LMTK2: variants seen among roughly 807,000 people sequenced by gnomAD.
The protein encoded by LMTK2 is serine/threonine-protein kinase LMTK2.
Under a neutral mutation model 127.5 loss-of-function variants are expected in LMTK2, and 37 were observed. The observed-to-expected ratio is 0.29, with a 90% CI of 0.22 to 0.38. LMTK2 has a LOEUF of 0.38. Ranked by LOEUF, LMTK2 falls within the 10% of genes least tolerant of loss-of-function variation. LMTK2 has a pLI of 1.00. For missense variants in LMTK2, 1,694 were observed against 1,920.3 expected, an observed-to-expected ratio of 0.88 and a Z score of 2.20; for synonymous variants, 819 against 810.1, an observed-to-expected ratio of 1.01 and a Z score of -0.19.
Position 98,107,225 on chromosome 7 carries a change from G to C in LMTK2, c.48G>C (p.Leu16=). 6.8e-7 allele frequency: 1 copy of C among 1,462,578 alleles called. No homozygotes were observed. The highest frequency in any genetic ancestry group is 9.0e-7 in the Non-Finnish European group (1 of 1,114,742). 90.6% of individuals were successfully genotyped at this position (1,462,578 alleles called of 1,614,324 possible). A position where few individuals can be genotyped will look rare whatever the true frequency, so the allele number is the denominator to read the frequency against. Residue 16 remains leucine, a synonymous_variant, in exon 1 of 14, where the codon CTG becomes CTC. Transcript: ENST00000297293. ...GGCGGAGGCTGCTGCTGCTGCTGCTGGTCCTCCTGATCGCCGGCAGTGCTG... is the reference window on the plus strand; with the variant it reads ...GGCGGAGGCTGCTGCTGCTGCTGCTCGTCCTCCTGATCGCCGGCAGTGCTG... ...ALRRRLLLLL[L]VLLIAGSAGA... is the part of the protein sequence containing the mutation.
chr7:98,205,375 G>C (rs1472626733), intron 13 of LMTK2, 89 bp from the exon 14 acceptor site: 2 of 1,495,662 alleles, frequency 1.3e-6, no homozygotes, highest in East Asian at 4.5e-5. Context: ...TTCCGTTCCT[G>C]TGGTGCAGCG....
At chr7:98,178,189 G>T (rs901373440) in intron 7 of LMTK2, among the ~76,000 whole-genome samples, 2 of 152,084 alleles carry the variant, frequency 1.3e-5, no homozygotes, top group Admixed American at 1.3e-4. Flanking sequence ...GTAACTTTCC[G>T]GTATTTTGCT....
At chr7:98,127,406 C>T (rs957723613) in intron 1 of LMTK2, among the ~76,000 whole-genome samples, 4 of 152,194 alleles carry the variant, frequency 2.6e-5, no homozygotes, top group African/African-American at 9.7e-5. Flanking sequence ...TAGCTTCCCT[C>T]AGTTCTATGA....
intron 1 of LMTK2, among the ~76,000 whole-genome samples, chr7:98,124,563 A>G (rs1200515095): frequency 1.3e-5 from 2 of 152,146 alleles, no homozygotes; most frequent in African/African-American, 2.4e-5. Flanking sequence ...AAGTGGGAGG[A>G]TCACTTGAGG....
At chr7:98,176,492 A>G (rs957769273) in intron 7 of LMTK2, among the ~76,000 whole-genome samples, 1 of 148,322 alleles carries the variant, frequency 6.7e-6, no homozygotes, top group South Asian at 2.1e-4. Context: ...TACAAACACA[A>G]ACTATAAAAT....
intron 7 of LMTK2, among the ~76,000 whole-genome samples, chr7:98,178,229 T>C (rs1232546083): frequency 6.6e-6 from 1 of 152,194 alleles, no homozygotes; most frequent in Admixed American, 6.5e-5. Flanking sequence ...TTATCAGGAA[T>C]CCAGATTACT....
At chr7:98,143,390 T>C (rs1487899112) in intron 3 of LMTK2, among the ~76,000 whole-genome samples, 1 of 152,064 alleles carries the variant, frequency 6.6e-6, no homozygotes. Context: ...ACACACAAAT[T>C]GACAGAGTCG....
intron 1 of LMTK2, among the ~76,000 whole-genome samples, chr7:98,129,056 T>C (rs1796483047): frequency 6.6e-6 from 1 of 152,102 alleles, no homozygotes; most frequent in South Asian, 2.1e-4. Flanking sequence ...TCTTATTTGT[T>C]TGACCCTGAA....
chr7:98,130,215 A>T (rs1191297973), intron 1 of LMTK2, among the ~76,000 whole-genome samples: 3 of 152,006 alleles, frequency 2.0e-5, no homozygotes, highest in Non-Finnish European at 2.9e-5. Flanking sequence ...GGGAGGTCAG[A>T]AGTAGCCAGG....
At chr7:98,204,306 A>T in intron 13 of LMTK2, 120 bp downstream of exon 13, 1 of 1,324,734 alleles carries the variant, frequency 7.5e-7, no homozygotes, top group African/African-American at 1.5e-5. Context: ...TGCTGAGTAG[A>T]TTACAAACTT....
At chr7:98,136,209 C>T (rs1219539473) in intron 1 of LMTK2, among the ~76,000 whole-genome samples, 4 of 152,208 alleles carry the variant, frequency 2.6e-5, no homozygotes, top group Non-Finnish European at 4.4e-5. Context: ...CTTTGGATTA[C>T]AGCCCGGAGA....
chr7:98,158,216 G>A (rs1796958041), intron 5 of LMTK2, among the ~76,000 whole-genome samples: 1 of 152,228 alleles, frequency 6.6e-6, no homozygotes, highest in Non-Finnish European at 1.5e-5. Flanking sequence ...AAGCTAGATA[G>A]CCTGAAGGAG....
chr7:98,205,772 G>A lies in LMTK2; in HGVS notation c.*280G>A. 1.9e-6 allele frequency: 1 copy of A among 535,862 alleles called. No individual in the cohort carries two copies. Among genetic ancestry groups the A allele is most frequent in the Admixed American group, 3.2e-5 (1 of 31,484 alleles). The allele number at this position is 535,862 out of a possible 1,614,324, so 33.2% of individuals were successfully genotyped here. Reference sequence around the variant, plus strand: ...CAGTGCTCATGCGCTGGCCGTCGGGGGAGGCAGGGGCACAGCCTCCATGTG... The same window carrying A: ...CAGTGCTCATGCGCTGGCCGTCGGGAGAGGCAGGGGCACAGCCTCCATGTG... On this transcript the variant is annotated 3_prime_UTR_variant, in exon 14 of 14. Coordinates refer to ENST00000297293, the MANE Select transcript of LMTK2 (RefSeq NM_014916.4).
At chr7:98,151,271 T>G in intron 3 of LMTK2, 111 bp from the exon 4 acceptor site, 1 of 656,132 alleles carries the variant, frequency 1.5e-6, no homozygotes, top group Non-Finnish European at 2.4e-6. Context: ...TTTTATGTAT[T>G]TATTCCTACC....
chr7:98,119,374 A>C (rs1796330793), intron 1 of LMTK2, among the ~76,000 whole-genome samples: 2 of 152,186 alleles, frequency 1.3e-5, no homozygotes, highest in Non-Finnish European at 2.9e-5. Context: ...AATGAATGCC[A>C]ACACCTGAAA....
intron 1 of LMTK2, among the ~76,000 whole-genome samples, chr7:98,115,455 AAAG>A (rs1232007520): frequency 6.6e-6 from 1 of 151,994 alleles, no homozygotes; most frequent in South Asian, 2.1e-4. Context: ...GAAAAAAAGA[AAAG>A]AAGGAAGGGA....
At position 98,192,665 on chromosome 7, in the gene LMTK2, G is replaced by A. The variant is rs781228211; in HGVS notation, c.2200G>A (p.Gly734Ser). The A allele has an allele frequency of 6.2e-7, 1 of 1,610,352 alleles. No individual in the cohort carries two copies. Among genetic ancestry groups the A allele is most frequent in the Non-Finnish European group, 8.5e-7 (1 of 1,179,060 alleles). The change falls in exon 11 of 14, where the codon GGC becomes AGC. Residue 734 changes from glycine to serine, a missense_variant. Coordinates refer to ENST00000297293, the MANE Select transcript of LMTK2 (RefSeq NM_014916.4). Reference sequence around the variant, plus strand: ...TCTTCAAGAGAAAAACTTACTAAAAGGCTCATTGTCCAGCAAAGAACACAT... The same window carrying A: ...TCTTCAAGAGAAAAACTTACTAAAAAGCTCATTGTCCAGCAAAGAACACAT... ...LFLQEKNLLK[G>S]SLSSKEHIND...
Position 98,192,612 on chromosome 7 carries a change from T to C in LMTK2, c.2147T>C (p.Val716Ala), listed in dbSNP as rs965524724. The C allele has an allele frequency of 6.2e-7, 1 of 1,613,140 alleles. No individual in the cohort carries two copies. Among genetic ancestry groups the C allele is most frequent in the African/African-American group, 1.3e-5 (1 of 74,912 alleles). The stretch of plus-strand genomic sequence containing the variant: ...CAAGATAATTTTGATCCATTGAATG[T>C]TCAAGAATTGTCAGAAAACTTTTTA... ...MHQDNFDPLNVQELSENFLFL... is the reference protein window; with the variant it reads ...MHQDNFDPLNAQELSENFLFL... Residue 716 changes from valine to alanine, a missense_variant, in exon 11 of 14, where the codon GTT becomes GCT. Physicochemically the swap from Val to Ala is moderately conservative, Grantham distance 64. This residue lies in a region of LMTK2 where 527 missense variants were observed against 539.8 expected (regional missense o/e 0.98). Transcript: ENST00000297293.
chr7:98,154,813 A>G lies in LMTK2; in HGVS notation c.506A>G (p.Glu169Gly). The G allele has an allele frequency of 6.2e-7, 1 of 1,614,034 alleles. No homozygotes were observed. Among genetic ancestry groups the G allele is most frequent in the Non-Finnish European group, 8.5e-7 (1 of 1,179,868 alleles). The change falls in exon 5 of 14, where the codon GAG (glutamate) becomes GGG (glycine). Residue 169 changes from glutamate (E) to glycine (G), a missense_variant. Glu to Gly is a moderately conservative substitution (Grantham distance 98, BLOSUM62 -2). Coordinates refer to ENST00000297293, the MANE Select transcript of LMTK2 (RefSeq NM_014916.4). ...GTSVARVIVK[E>G]LKASANPKEQ... is the part of the protein sequence containing the mutation. The stretch of plus-strand genomic sequence containing the variant: ...AGCGTAGCAAGAGTCATCGTGAAGG[A>G]GTTAAAAGCAAGTGCCAACCCAAAG...
Sources: allele counts gnomAD v4.1 joint callset (sites outside exome capture counted in the v4.1 genomes callset), GRCh38; gene constraint gnomAD v4.1.1; regional missense constraint gnomAD v4.1.1; transcripts MANE v1.5; gene names NCBI Gene and HGNC (gene_info 2026-07-23, HGNC 2026-07-21).